The following ABCA5 variants were observed in gnomAD, a reference collection of about 807,000 sequenced individuals.
ABCA5 encodes ATP binding cassette subfamily A member 5, also known as cholesterol transporter ABCA5.
Under a neutral mutation model 206.0 loss-of-function variants are expected in ABCA5, and 163 were observed. The observed-to-expected ratio is 0.79, with a 90% confidence interval of 0.70 to 0.90. The LOEUF (loss-of-function observed/expected upper bound fraction) is 0.90. ABCA5 is among the 40% of genes least tolerant of loss of function. The pLI is 0.00. For synonymous variants in ABCA5, 609 were observed against 613.8 expected, an observed-to-expected ratio of 0.99 and a Z score of 0.11; for missense variants, 1,859 against 1,912.9, an observed-to-expected ratio of 0.97 and a Z score of 0.53.
chr17:69,302,724 A>C lies in ABCA5; in HGVS notation c.1113T>G (p.Ile371Met). The change falls in exon 8 of 39, where the codon ATT (isoleucine) becomes ATG (methionine). Residue 371 changes from isoleucine (I) to methionine (M), a missense_variant. Physicochemically the swap from Ile to Met is conservative, Grantham distance 10. Transcript: ENST00000392676. Reference protein sequence around the residue: ...PFCHCTFVIGIAQVMHLEDFN... With the variant: ...PFCHCTFVIGMAQVMHLEDFN... ...AGATTAATATATTACCTACCTGTGC[A>C]ATACCAATCACAAAAGTACAGTGAC... is the stretch of plus-strand genomic sequence containing the variant. The C allele has an allele frequency of 6.4e-7, 1 of 1,560,980 alleles. No homozygotes were observed. The highest frequency in any genetic ancestry group is 8.6e-7 in the Non-Finnish European group (1 of 1,163,356).
chr17:69,250,671 A>G (rs746860432), intron 35 of ABCA5, 50 bp from the exon 36 acceptor site: 1 of 1,385,562 alleles, frequency 7.2e-7, no homozygotes, highest in East Asian at 2.4e-5. Context: ...ACAGCTTCAA[A>G]GAATAATCTC....
chr17:69,262,199 CTTT>C (rs761629553), intron 24 of ABCA5, among the ~76,000 whole-genome samples: 3 of 152,050 alleles, frequency 2.0e-5, no homozygotes, highest in Non-Finnish European at 4.4e-5. Flanking sequence ...TCAGTCTCTT[CTTT>C]GATATTTTAA....
rs541181881 is a variant in ABCA5 at position 69,244,344 on chromosome 17, T to C, written c.*3193A>G. On this transcript the variant is annotated 3_prime_UTR_variant, in exon 39 of 39. Transcript: ENST00000392676. ...CCAGGTTTTTGCATCATTTTTAATA[T>C]GAGCTACTCATTATTCAATTATCAG... The C allele has an allele frequency of 1.3e-5, 2 of 152,230 alleles. No individual in the cohort carries two copies. The highest frequency in any genetic ancestry group is 4.1e-4 in the South Asian group (2 of 4,824). The allele number at this position is 152,230 out of a possible 1,614,324, so 9.4% of individuals were successfully genotyped here.
intron 7 of ABCA5, 143 bp from the exon 8 acceptor site, chr17:69,303,049 G>A (rs1934973844): frequency 2.1e-6 from 1 of 474,714 alleles, no homozygotes; most frequent in Non-Finnish European, 3.7e-6. Context: ...AAATGCTATG[G>A]TATTTTATTT....
At chr17:69,251,195 G>A (rs1182043836) in intron 35 of ABCA5, 2 of 152,916 alleles carry the variant, frequency 1.3e-5, no homozygotes, top group Admixed American at 6.5e-5. Context: ...GCACAACATC[G>A]TTTAGTTAAG....
chr17:69,276,994 C>G (rs1204514364), intron 19 of ABCA5, among the ~76,000 whole-genome samples: 12 of 152,134 alleles, frequency 7.9e-5, no homozygotes, highest in African/African-American at 2.9e-4. Context: ...CTTATTACTA[C>G]TGACATTTTG....
chr17:69,321,216 A>T (rs1472871465), intron 1 of ABCA5, among the ~76,000 whole-genome samples: 1 of 152,206 alleles, frequency 6.6e-6, no homozygotes, highest in Admixed American at 6.5e-5. Context: ...TAAAGGGTTA[A>T]TATCTTGAGA....
intron 24 of ABCA5, among the ~76,000 whole-genome samples, chr17:69,262,659 T>C (rs1201262227): frequency 2.0e-5 from 3 of 152,224 alleles, no homozygotes; most frequent in Admixed American, 1.3e-4. Context: ...GTTGATTCCA[T>C]GTCTTTGCTA....
intron 1 of ABCA5, among the ~76,000 whole-genome samples, chr17:69,315,912 G>A (rs1245667495): frequency 2.0e-5 from 3 of 151,820 alleles, no homozygotes; most frequent in East Asian, 1.9e-4. Context: ...GCAAACAATC[G>A]AAAGTACTCT....
intron 32 of ABCA5, 87 bp from the exon 33 acceptor site, chr17:69,253,956 C>G: frequency 9.0e-7 from 1 of 1,107,156 alleles, no homozygotes; most frequent in Non-Finnish European, 1.3e-6. Context: ...GTTGTTTTCT[C>G]TAGAATAGTT....
At chr17:69,268,894 G>C (rs1294473042) in intron 22 of ABCA5, 1 of 152,056 alleles carries the variant, frequency 6.6e-6, no homozygotes, top group Non-Finnish European at 1.5e-5. Context: ...CCAAAGTTCA[G>C]GTCATATGAC....
chr17:69,282,922 A>C (rs1465426500), intron 18 of ABCA5, among the ~76,000 whole-genome samples: 2 of 151,384 alleles, frequency 1.3e-5, no homozygotes, highest in African/African-American at 2.4e-5. Flanking sequence ...TCTAACACTC[A>C]ATCTATCAGC....
intron 23 of ABCA5, among the ~76,000 whole-genome samples, chr17:69,266,239 G>A (rs1169538362): frequency 1.3e-5 from 2 of 152,190 alleles, no homozygotes; most frequent in African/African-American, 4.8e-5. Flanking sequence ...GAACAGAGTA[G>A]TGGTTGCCAC....
chr17:69,309,060 A>G (rs2075745605), intron 4 of ABCA5, among the ~76,000 whole-genome samples: 7 of 152,128 alleles, frequency 4.6e-5, no homozygotes, highest in Admixed American at 4.6e-4. Context: ...CAAAATGGGT[A>G]TATATAAAAA....
chr17:69,248,358 G>T, intron 37 of ABCA5, 41 bp from the exon 38 acceptor site: 1 of 1,243,506 alleles, frequency 8.0e-7, no homozygotes, highest in Non-Finnish European at 1.1e-6. Flanking sequence ...ATCAATATCT[G>T]AAAAAAATGG....
intron 3 of ABCA5, among the ~76,000 whole-genome samples, chr17:69,311,419 A>G (rs1239048093): frequency 1.3e-5 from 2 of 152,122 alleles, no homozygotes; most frequent in Admixed American, 6.6e-5. Context: ...AAATTTGTGT[A>G]TATGTATACA....
intron 1 of ABCA5, among the ~76,000 whole-genome samples, chr17:69,322,390 G>GAAAAAAA (rs2075872197): frequency 1.4e-5 from 2 of 139,036 alleles, no homozygotes; most frequent in Non-Finnish European, 3.0e-5. Flanking sequence ...AAAAAAAAGT[G>GAAAAAAA]CTGGTTACTA....
At chr17:69,262,844 A>G (rs973544830) in intron 24 of ABCA5, among the ~76,000 whole-genome samples, 14 of 152,206 alleles carry the variant, frequency 9.2e-5, no homozygotes, top group Non-Finnish European at 4.4e-5. Flanking sequence ...ATTCCCACCA[A>G]GAGTATATAA....
At chr17:69,283,072 G>A (rs2144965876) in intron 18 of ABCA5, among the ~76,000 whole-genome samples, 1 of 141,468 alleles carries the variant, frequency 7.1e-6, no homozygotes, top group Middle Eastern at 3.8e-3. Flanking sequence ...CTGCAGCCTT[G>A]ACCTCCTGGC....
Sources: gnomAD v4.1 joint callset for allele counts (sites outside exome capture counted in the v4.1 genomes callset) on GRCh38, gnomAD v4.1.1 for gene constraint, MANE v1.5 for transcripts, NCBI Gene and HGNC (gene_info 2026-07-23, HGNC 2026-07-21) for gene names.